Variants in LPP observed in about 807,000 individuals in gnomAD.
The protein encoded by LPP is LIM domain containing preferred translocation partner in lipoma.
In LPP, 38 loss-of-function variants were observed where a neutral mutation model predicts 60.4. The observed-to-expected ratio is 0.63, with a 90% confidence interval of 0.49 to 0.83. LPP has a LOEUF of 0.83. LPP is among the 40% of genes least tolerant of loss of function. LPP has a pLI of 0.00. For synonymous variants in LPP, 328 were observed against 290.8 expected, an observed-to-expected ratio of 1.13 and a Z score of -1.30; for missense variants, 902 against 783.6, an observed-to-expected ratio of 1.15 and a Z score of -1.80.
chr3:188,882,919 T>G lies in LPP; in HGVS notation c.*8440T>G, dbSNP rs912341763. 3 of 181,930 alleles carry G rather than the reference T, an allele frequency of 1.6e-5. No individual in the cohort carries two copies. The highest frequency in any genetic ancestry group is 3.5e-5 in the Non-Finnish European group (3 of 85,478). The allele number at this position is 181,930 out of a possible 1,614,324, so 11.3% of individuals were successfully genotyped here. A position where few individuals can be genotyped will look rare whatever the true frequency, so the allele number is the denominator to read the frequency against. Reference sequence around the variant, plus strand: ...GCGCCCAGCTAATTTTTTTTGTACTTTTAGTAGAGACGGGGTTTCACCGTG... The same window carrying G: ...GCGCCCAGCTAATTTTTTTTGTACTGTTAGTAGAGACGGGGTTTCACCGTG... On this transcript the variant is annotated 3_prime_UTR_variant, in exon 12 of 12. Coordinates refer to ENST00000617246, the MANE Select transcript of LPP (RefSeq NM_001375462.1).
intron 1 of LPP, among the ~76,000 whole-genome samples, chr3:188,206,602 T>A (rs938333527): frequency 2.6e-5 from 4 of 152,182 alleles, no homozygotes; most frequent in African/African-American, 7.2e-5. Flanking sequence ...AGACAGTTAT[T>A]TTTGTTATAC....
intron 2 of LPP, among the ~76,000 whole-genome samples, chr3:188,324,709 G>T (rs1172181708): frequency 6.6e-6 from 1 of 152,090 alleles, no homozygotes; most frequent in Non-Finnish European, 1.5e-5. Context: ...GTTTCCCCTT[G>T]TGGCCTTTTT....
intron 6 of LPP, among the ~76,000 whole-genome samples, chr3:188,601,989 A>C (rs1469203663): frequency 6.7e-6 from 1 of 150,092 alleles, no homozygotes; most frequent in Non-Finnish European, 1.5e-5. Context: ...AATTCCTTGA[A>C]CACGCGAGGC....
At chr3:188,501,823 A>G (rs182272605) in intron 5 of LPP, among the ~76,000 whole-genome samples, 177 of 152,112 alleles carry the variant, frequency 1.2e-3, no homozygotes, top group African/African-American at 4.1e-3. Context: ...AGGCTGAGGC[A>G]GGAGAATCGC....
At chr3:188,822,278 C>T (rs1049859132) in intron 9 of LPP, among the ~76,000 whole-genome samples, 4 of 151,878 alleles carry the variant, frequency 2.6e-5, no homozygotes, top group Admixed American at 2.0e-4. Flanking sequence ...ACTCTCTTCT[C>T]GGATACAAAA....
At chr3:188,616,055 T>C (rs553717994) in intron 7 of LPP, among the ~76,000 whole-genome samples, 8 of 152,302 alleles carry the variant, frequency 5.3e-5, no homozygotes, top group Admixed American at 2.6e-4. Flanking sequence ...ACTCTGATGA[T>C]AGTTTCTTTT....
chr3:188,760,139 G>A lies in LPP; in HGVS notation c.1267G>A (p.Val423Ile), dbSNP rs781692267. 1.5e-5 allele frequency: 24 copies of A among 1,613,914 alleles called. No individual in the cohort carries two copies. The highest frequency in any genetic ancestry group is 3.3e-4 in the Middle Eastern group (2 of 6,078). The change falls in exon 9 of 12, where the codon GTA (valine) becomes ATA (isoleucine). Residue 423 changes from valine (V) to isoleucine (I), a missense_variant. Val to Ile is a conservative substitution (Grantham distance 29). Transcript: ENST00000617246. The stretch of plus-strand genomic sequence containing the variant: ...CCGCTGTGCTCGCTGTGGAGAAAAC[G>A]TAGTTGGGGAAGGTACAGGATGCAC... ...FGRCARCGEN[V>I]VGEGTGCTAM...
intron 8 of LPP, among the ~76,000 whole-genome samples, chr3:188,722,909 T>C (rs1176910233): frequency 6.6e-6 from 1 of 152,220 alleles, no homozygotes; most frequent in Non-Finnish European, 1.5e-5. Context: ...GTAATAATCA[T>C]TCCTCTAAAT....
intron 9 of LPP, among the ~76,000 whole-genome samples, chr3:188,828,314 T>C (rs1448875777): frequency 1.3e-5 from 2 of 151,820 alleles, no homozygotes; most frequent in African/African-American, 4.8e-5. Context: ...GAGCTGGAAT[T>C]AGAACCCCAG....
At chr3:188,711,093 A>G (rs537656127) in intron 8 of LPP, 2 of 152,224 alleles carry the variant, frequency 1.3e-5, no homozygotes, top group Non-Finnish European at 2.9e-5. Flanking sequence ...AGTTTATTTA[A>G]GACATAAGAT....
intron 9 of LPP, among the ~76,000 whole-genome samples, chr3:188,843,084 G>A (rs1159346115): frequency 6.6e-6 from 1 of 152,062 alleles, no homozygotes; most frequent in Non-Finnish European, 1.5e-5. Context: ...AGTATGCCAC[G>A]ATTATACCAT....
chr3:188,369,842 C>T (rs1772467377), intron 3 of LPP, among the ~76,000 whole-genome samples: 1 of 152,196 alleles, frequency 6.6e-6, no homozygotes, highest in Admixed American at 6.5e-5. Context: ...ATCACAGACT[C>T]AGGTTGGATG....
intron 6 of LPP, among the ~76,000 whole-genome samples, chr3:188,563,524 T>A (rs2150719096): frequency 6.6e-6 from 1 of 150,764 alleles, no homozygotes; most frequent in African/African-American, 2.4e-5. Context: ...TTCCTCTGGA[T>A]CTTTTCATGT....
rs1310264087 is a variant in LPP at position 188,217,440 on chromosome 3, G to A, written c.-189-7965G>A. ...AGAGACCTGAGCTTCTTAGACCTGAGTCCAGATGTGATGGGTTATGTGTTA... is the reference window on the plus strand; with the variant it reads ...AGAGACCTGAGCTTCTTAGACCTGAATCCAGATGTGATGGGTTATGTGTTA... On this transcript the variant is annotated intron_variant, in intron 1 of 11. Coordinates refer to ENST00000617246, the MANE Select transcript of LPP (RefSeq NM_001375462.1). This position sits in a 1 kb window ranked among gnomAD's most constrained non-coding sequence, Gnocchi z 4.0. Among the ~76,000 whole-genome samples, 1 of 152,144 alleles carries A rather than the reference G, an allele frequency of 6.6e-6. No homozygotes were observed. Among genetic ancestry groups the A allele is most frequent in the Non-Finnish European group, 1.5e-5 (1 of 68,024 alleles).
intron 3 of LPP, among the ~76,000 whole-genome samples, chr3:188,386,435 A>G (rs953616774): frequency 2.6e-5 from 4 of 152,132 alleles, no homozygotes; most frequent in African/African-American, 4.8e-5. Flanking sequence ...TTCACATTAC[A>G]TTGGAATAGA....
chr3:188,197,396 G>T (rs1289372154), intron 1 of LPP, among the ~76,000 whole-genome samples: 2 of 152,144 alleles, frequency 1.3e-5, no homozygotes, highest in African/African-American at 2.4e-5. Flanking sequence ...CCTGAGCTGG[G>T]TTATATAACT....
rs146815383 is a variant in LPP, at chr3:188,301,844, A to G, written c.-66-39819A>G. On this transcript the variant is annotated intron_variant, in intron 2 of 11. Coordinates refer to ENST00000617246, the MANE Select transcript of LPP (RefSeq NM_001375462.1). ...AATTTTTTTTGTACTTTTTTTAAAG[A>G]CAGTATTTTGCCATGTTGCCCAGGC... Among the ~76,000 whole-genome samples, 121 of 151,980 alleles carry G rather than the reference A, an allele frequency of 8.0e-4. 1 individual carries two copies. Among genetic ancestry groups the G allele is most frequent in the East Asian group, 3.9e-3 (20 of 5,166 alleles).
chr3:188,524,901 T>G (rs57139663), intron 6 of LPP, 114 bp downstream of exon 6: 77,939 of 255,586 alleles, frequency 0.3, 29,096 homozygotes, highest in Non-Finnish European at 0.39. Context: ...CCGTCCGTCC[T>G]TCCTTCCTTC....
At chr3:188,190,311 G>T (rs1447862621) in intron 1 of LPP, among the ~76,000 whole-genome samples, 1 of 151,988 alleles carries the variant, frequency 6.6e-6, no homozygotes, top group Admixed American at 6.6e-5. Flanking sequence ...CGCCCGCCTC[G>T]GCCTCCCAAA....
Sources: allele counts gnomAD v4.1 joint callset (sites outside exome capture counted in the v4.1 genomes callset), GRCh38; gene constraint gnomAD v4.1.1; non-coding constraint Gnocchi (gnomAD v3.1); transcripts MANE v1.5; gene names NCBI Gene and HGNC (gene_info 2026-07-23, HGNC 2026-07-21).